Variants in ARMCX4 observed in about 807,000 individuals in gnomAD.
ARMCX4 encodes armadillo repeat containing X-linked 4, also known as armadillo repeat-containing X-linked protein 4.
Under a neutral mutation model 34.7 loss-of-function variants are expected in ARMCX4, and 3 were observed. The observed-to-expected ratio is 0.09, with a 90% CI of 0.04 to 0.22. The LOEUF (loss-of-function observed/expected upper bound fraction) is 0.22. Ranked by LOEUF, ARMCX4 falls within the 10% of genes least tolerant of loss-of-function variation. The pLI is 1.00. For synonymous variants in ARMCX4, 513 were observed against 632.8 expected (o/e 0.81, Z 2.84); for missense variants, 1,448 against 1,720.8 (o/e 0.84, Z 2.81).
Position 101,488,857 on chromosome X carries a change from A to C in ARMCX4, c.268A>C (p.Lys90Gln). ...RSGPRAEVET[K>Q]ATAIAIHRAN... Reference sequence around the variant, plus strand: ...TGGGCCTAGGGCTGAAGTAGAGACCAAGGCCACTGCTATAGCCATACACAG... The same window carrying C: ...TGGGCCTAGGGCTGAAGTAGAGACCCAGGCCACTGCTATAGCCATACACAG... Residue 90 changes from lysine to glutamine, a missense_variant, in exon 6 of 6, where the codon AAG (lysine) becomes CAG (glutamine). Lys to Gln is a moderately conservative substitution (Grantham distance 53). Coordinates refer to ENST00000423738, the MANE Select transcript of ARMCX4 (RefSeq NM_001256155.3). The C allele has an allele frequency of 2.6e-6, 3 of 1,155,190 alleles. No individual in the cohort carries two copies. The South Asian group carries it at 5.7e-5, about 22-fold the overall frequency.
intron 4 of ARMCX4, among the ~76,000 whole-genome samples, chrX:101,456,455 C>T (rs922667904): frequency 2.7e-5 from 3 of 111,847 alleles, no homozygotes; most frequent in African/African-American, 9.7e-5. Context: ...TTGCTGGCCT[C>T]ATAGGTGTCT....
At chrX:101,530,928 T>C (rs1449672178) in intron 11 of ARMCX4, among the ~76,000 whole-genome samples, 1 of 112,192 alleles carries the variant, frequency 8.9e-6, no homozygotes, top group Non-Finnish European at 1.9e-5. Context: ...AAATAGCTGT[T>C]ACACTAGTTT....
chrX:101,468,677 G>A (rs1190633519), intron 4 of ARMCX4, among the ~76,000 whole-genome samples: 3 of 107,104 alleles, frequency 2.8e-5, no homozygotes, highest in East Asian at 3.0e-4. Flanking sequence ...GCAGTGGCAC[G>A]ATCTCGGCTC....
At position 101,493,340 on chromosome X, in the gene ARMCX4, G is replaced by A. The variant is rs1412949326; in HGVS notation, c.4751G>A (p.Gly1584Glu). ...PGFEDQAIGGGFWPGAGDQTG... is the reference protein window; with the variant it reads ...PGFEDQAIGGEFWPGAGDQTG... Reference sequence around the variant, plus strand: ...TTTGAGGATCAGGCCATTGGAGGGGGGTTCTGGCCTGGTGCTGGGGACCAG... The same window carrying A: ...TTTGAGGATCAGGCCATTGGAGGGGAGTTCTGGCCTGGTGCTGGGGACCAG... The change falls in exon 6 of 6, where the codon GGG (glycine) becomes GAG (glutamate). Residue 1584 changes from glycine to glutamate, a missense_variant. By Grantham distance (98) the Gly-to-Glu change is moderately conservative. This residue lies in a region of ARMCX4 where 1,343 missense variants were observed against 1,540.7 expected (regional missense o/e 0.87). Transcript: ENST00000423738. 7.7e-5 allele frequency: 89 copies of A among 1,153,573 alleles called. No homozygotes were observed. Among genetic ancestry groups the A allele is most frequent in the Non-Finnish European group, 9.7e-5 (85 of 872,330 alleles).
chrX:101,439,218 C>G (rs1471731376), intron 2 of ARMCX4, among the ~76,000 whole-genome samples: 2 of 111,421 alleles, frequency 1.8e-5, no homozygotes, highest in African/African-American at 6.5e-5. Context: ...TTTATTTCTC[C>G]TTCAGTTATG....
chrX:101,446,275 G>A (rs1555998009), downstream of ARMCX4: 1 of 110,903 alleles, frequency 9.0e-6, no homozygotes, highest in African/African-American at 3.3e-5. Context: ...CCTTTTTAAT[G>A]GTCTCATAAG....
chrX:101,530,823 C>A (rs1382377337), intron 11 of ARMCX4, among the ~76,000 whole-genome samples: 2 of 111,869 alleles, frequency 1.8e-5, no homozygotes, highest in African/African-American at 6.5e-5. Flanking sequence ...GAAAATGATA[C>A]CAGAGGGAAA....
At chrX:101,433,155 CAT>C (rs1199455069) in intron 2 of ARMCX4, among the ~76,000 whole-genome samples, 30 of 106,212 alleles carry the variant, frequency 2.8e-4, no homozygotes, top group Non-Finnish European at 4.5e-4. Flanking sequence ...CACATATACA[CAT>C]ATGTATACAT....
At chrX:101,496,973 G>C (rs142084010), downstream of ARMCX4, among the ~76,000 whole-genome samples, 297 of 112,120 alleles carry the variant, frequency 2.6e-3, no homozygotes, top group Non-Finnish European at 4.8e-3. Context: ...TCTCAAGATA[G>C]GCAGTTGGCT....
intron 11 of ARMCX4, among the ~76,000 whole-genome samples, chrX:101,516,024 G>A (rs184957507): frequency 2.3e-4 from 26 of 112,066 alleles, no homozygotes; most frequent in African/African-American, 8.4e-4. Flanking sequence ...CAGAGAATTA[G>A]AACAGTGCAG....
downstream of ARMCX4, chrX:101,446,260 T>C (rs1344033523): frequency 8.9e-6 from 1 of 111,975 alleles, no homozygotes; most frequent in African/African-American, 3.3e-5. Context: ...AGCAGATTTT[T>C]AGTCCCTTTT....
chrX:101,515,499 C>A (rs1390446590), intron 11 of ARMCX4, among the ~76,000 whole-genome samples: 23 of 48,574 alleles, frequency 4.7e-4, no homozygotes, highest in African/African-American at 1.9e-3. Context: ...CCCTCTCTCT[C>A]TTTCTTTCTC....
intron 4 of ARMCX4, 136 bp from the exon 5 acceptor site, chrX:101,487,908 C>G: frequency 3.2e-6 from 1 of 316,562 alleles, no homozygotes; most frequent in Non-Finnish European, 5.6e-6. Flanking sequence ...GTGGGGTGGA[C>G]TGAGAAACGT....
chrX:101,472,872 A>G (rs1267600931), intron 4 of ARMCX4, among the ~76,000 whole-genome samples: 2 of 98,215 alleles, frequency 2.0e-5, no homozygotes, highest in Non-Finnish European at 4.0e-5. Context: ...TGTAAAGACC[A>G]TTGAGACTAG....
intron 7 of ARMCX4, among the ~76,000 whole-genome samples, chrX:101,502,936 T>G: frequency 2.3e-5 from 1 of 44,263 alleles, no homozygotes; most frequent in Non-Finnish European, 3.8e-5. Flanking sequence ...CCCTCCCCCC[T>G]CCCCCCACCC....
chrX:101,484,565 TGA>T (rs782324225), upstream of ARMCX4, among the ~76,000 whole-genome samples: 3 of 112,170 alleles, frequency 2.7e-5, no homozygotes, highest in Non-Finnish European at 3.8e-5. Flanking sequence ...CTTAGACACC[TGA>T]AAAAAGATGC....
chrX:101,430,057 C>A (rs1929897171), intron 2 of ARMCX4, among the ~76,000 whole-genome samples: 1 of 111,549 alleles, frequency 9.0e-6, no homozygotes, highest in African/African-American at 3.3e-5. Flanking sequence ...CTGGCACTGA[C>A]AAATGTTCTA....
At position 101,492,216 on chromosome X, in the gene ARMCX4, A is replaced by T. The variant is rs1177243212; in HGVS notation, c.3627A>T (p.Gly1209=). 4.4e-6 allele frequency: 5 copies of T among 1,133,477 alleles called. No individual in the cohort carries two copies. Among genetic ancestry groups the T allele is most frequent in the Non-Finnish European group, 4.6e-6 (4 of 861,867 alleles). 93.4% of individuals were successfully genotyped at this position (1,133,477 alleles called of 1,213,427 possible). The change falls in exon 6 of 6, where the codon GGA becomes GGT. Residue 1209 remains glycine (G), a synonymous_variant. Coordinates refer to ENST00000423738, the MANE Select transcript of ARMCX4 (RefSeq NM_001256155.3). ...EGTWAGDKAS[G]GAWTGAENQA... The stretch of plus-strand genomic sequence containing the variant: ...CCTGGGCTGGGGACAAGGCCAGTGG[A>T]GGAGCCTGGACTGGGGCTGAGAACC...
chrX:101,437,941 A>G (rs1413140011), intron 2 of ARMCX4, among the ~76,000 whole-genome samples: 3 of 111,483 alleles, frequency 2.7e-5, no homozygotes, highest in Non-Finnish European at 5.6e-5. Context: ...TTAGTTTCCA[A>G]GTAGTTGAGC....
Sources: allele counts gnomAD v4.1 joint callset (sites outside exome capture counted in the v4.1 genomes callset), GRCh38; gene constraint gnomAD v4.1.1; regional missense constraint gnomAD v4.1.1; transcripts MANE v1.5; gene names NCBI Gene and HGNC (gene_info 2026-07-23, HGNC 2026-07-21).